Variants in RPL7L1 observed in about 807,000 individuals in gnomAD.
RPL7L1 encodes ribosomal protein L7 like 1.
Under a neutral mutation model 30.3 loss-of-function variants are expected in RPL7L1, and 20 were observed. The observed-to-expected ratio is 0.66, with a 90% CI of 0.46 to 0.96. The LOEUF is 0.96. Among genes scored for constraint, RPL7L1 ranks in the 40% least tolerant of loss-of-function variants. The probability of loss-of-function intolerance (pLI) is 0.00; values close to 1 mark genes in which losing one functional copy is unlikely to be tolerated. For missense variants in RPL7L1, 271 were observed against 314.9 expected (o/e 0.86, Z 1.05); for synonymous variants, 107 against 110.1 (o/e 0.97, Z 0.18).
At chr6:42,882,418 C>A (rs1223108588) in intron 2 of RPL7L1, 2 of 147,542 alleles carry the variant, frequency 1.4e-5, no homozygotes, top group Non-Finnish European at 3.0e-5. Flanking sequence ...ATGGTGAAAC[C>A]CCATCTCTAC....
At position 42,879,644 on chromosome 6, in the gene RPL7L1, T is replaced by C. The variant is rs1765994017; in HGVS notation, c.-267T>C. On this transcript the variant is annotated 5_prime_UTR_variant, in exon 1 of 6. Coordinates refer to ENST00000493763, the MANE Select transcript of RPL7L1 (RefSeq NM_001366481.3). ...GCTAGGAGCGGACGCCATAGGTGCATTGTGGGAAGCACTTTGCTGTCCACA... is the reference window on the plus strand; with the variant it reads ...GCTAGGAGCGGACGCCATAGGTGCACTGTGGGAAGCACTTTGCTGTCCACA... The C allele has an allele frequency of 2.7e-6, 1 of 373,174 alleles. No individual in the cohort carries two copies. Among genetic ancestry groups the C allele is most frequent in the South Asian group, 3.0e-5 (1 of 32,930 alleles). The allele number at this position is 373,174 out of a possible 1,614,324, so 23.1% of individuals were successfully genotyped here. A position where few individuals can be genotyped will look rare whatever the true frequency, so the allele number is the denominator to read the frequency against.
Position 42,889,703 on chromosome 6 carries a change from T to C in RPL7L1, c.*3239T>C, listed in dbSNP as rs1167649793. On this transcript the variant is annotated 3_prime_UTR_variant, in exon 6 of 6. Transcript: ENST00000493763. ...TCTGTCCATAAAATGGGAGCTAATATTCTCCAACCTGTGTGCCTGACATGA... is the reference window on the plus strand; with the variant it reads ...TCTGTCCATAAAATGGGAGCTAATACTCTCCAACCTGTGTGCCTGACATGA... 1 of 152,280 alleles carries C rather than the reference T, an allele frequency of 6.6e-6. No individual in the cohort carries two copies. The highest frequency in any genetic ancestry group is 1.5e-5 in the Non-Finnish European group (1 of 68,026). 9.4% of individuals were successfully genotyped at this position (152,280 alleles called of 1,614,324 possible).
chr6:42,883,875 C>A, intron 3 of RPL7L1: 1 of 225,230 alleles, frequency 4.4e-6, no homozygotes, highest in Non-Finnish European at 8.7e-6. Flanking sequence ...AACCTGAGAC[C>A]TGAAAGATGT....
Position 42,888,069 on chromosome 6 carries a change from C to A in RPL7L1, c.*1605C>A, listed in dbSNP as rs1299438188. Reference sequence around the variant, plus strand: ...AGCTCAGGATTTGAGAATGAGGACCCCTTCGCCAGGAAAACATGTATACAC... The same window carrying A: ...AGCTCAGGATTTGAGAATGAGGACCACTTCGCCAGGAAAACATGTATACAC... On this transcript the variant is annotated 3_prime_UTR_variant, in exon 6 of 6. Transcript: ENST00000493763. The A allele has an allele frequency of 2.0e-5, 3 of 151,562 alleles. No homozygotes were observed. Among genetic ancestry groups the A allele is most frequent in the Non-Finnish European group, 4.4e-5 (3 of 67,918 alleles). The allele number at this position is 151,562 out of a possible 1,614,324, so 9.4% of individuals were successfully genotyped here.
intron 2 of RPL7L1, 162 bp from the exon 3 acceptor site, chr6:42,883,289 G>A: frequency 2.0e-6 from 1 of 498,916 alleles, no homozygotes; most frequent in Non-Finnish European, 3.3e-6. Flanking sequence ...CTTTACTTTG[G>A]TTTCTCATTT....
chr6:42,884,803 AG>A, intron 4 of RPL7L1, 53 bp downstream of exon 4: 1 of 1,559,208 alleles, frequency 6.4e-7, no homozygotes, highest in Non-Finnish European at 8.8e-7. Flanking sequence ...TGAGTGTGTC[AG>A]GGTGCACCGG....
In RPL7L1 at chr6:42,879,830, C is replaced by A. The variant is rs1352924580; in HGVS notation, c.-81C>A. 1.4e-6 allele frequency: 2 copies of A among 1,470,474 alleles called. No homozygotes were observed. The highest frequency in any genetic ancestry group is 2.3e-5 in the East Asian group (1 of 44,050). 91.1% of individuals were successfully genotyped at this position (1,470,474 alleles called of 1,614,324 possible). On this transcript the variant is annotated 5_prime_UTR_variant, in exon 1 of 6. Transcript: ENST00000493763. ...GCGGCTAAGTGAACGCTGACTGGTC[C>A]TCCAGCGTGAGCTAGAACAGACGTC...
intron 3 of RPL7L1, 114 bp from the exon 4 acceptor site, chr6:42,884,499 A>G (rs1029782040): frequency 2.2e-6 from 2 of 927,652 alleles, no homozygotes; most frequent in East Asian, 2.4e-5. Flanking sequence ...TCTTTAAGGC[A>G]TAGTCTCTGT....
In RPL7L1 at chr6:42,880,835, T is replaced by C. The variant is rs768171263; in HGVS notation, c.42-26T>C. Reference sequence around the variant, plus strand: ...GCCAAGTGTTCTTTTCTAAATGTTATCTCTGATCTCAATTTTCTGCATCAG... The same window carrying C: ...GCCAAGTGTTCTTTTCTAAATGTTACCTCTGATCTCAATTTTCTGCATCAG... On this transcript the variant is annotated intron_variant, in intron 1 of 5. Coordinates refer to ENST00000493763, the MANE Select transcript of RPL7L1 (RefSeq NM_001366481.3). 4.5e-6 allele frequency: 6 copies of C among 1,326,124 alleles called. No individual in the cohort carries two copies. The South Asian group carries it at 7.1e-5, about 16-fold the overall frequency. 82.1% of individuals were successfully genotyped at this position (1,326,124 alleles called of 1,614,324 possible).
At chr6:42,880,214 G>A (rs2235833) in intron 1 of RPL7L1, among the ~76,000 whole-genome samples, 33,741 of 152,022 alleles carry the variant, frequency 0.22, 7,238 homozygotes, top group African/African-American at 0.56. Context: ...CCCGACAAGT[G>A]TTAACTCTGC....
intron 3 of RPL7L1, 63 bp from the exon 4 acceptor site, chr6:42,884,550 G>A (rs1766192286): frequency 2.6e-6 from 4 of 1,515,000 alleles, no homozygotes; most frequent in Admixed American, 1.7e-5. Context: ...CTCGCATGTT[G>A]TGCTTGCTGG....
At chr6:42,885,221 G>A (rs919482271) in intron 4 of RPL7L1, among the ~76,000 whole-genome samples, 5 of 151,350 alleles carry the variant, frequency 3.3e-5, no homozygotes, top group African/African-American at 9.7e-5. Context: ...ATGGTGATGT[G>A]TGCCTGTATT....
At chr6:42,881,280 A>G (rs1766068956) in intron 2 of RPL7L1, 1 of 169,226 alleles carries the variant, frequency 5.9e-6, no homozygotes, top group Non-Finnish European at 1.3e-5. Context: ...CCTGGCTAAC[A>G]CGGTGAAACC....
rs1279250992 is a variant in RPL7L1 at position 42,879,897 on chromosome 6, T to A, written c.-14T>A. 1 of 1,613,358 alleles carries A rather than the reference T, an allele frequency of 6.2e-7. No homozygotes were observed. The highest frequency in any genetic ancestry group is 8.5e-7 in the Non-Finnish European group (1 of 1,179,602). ...CAGAGCGTGTGCTGTCTTCCCCATG[T>A]GGTGGGGTTGCGCATGATCAGTAGC... On this transcript the variant is annotated 5_prime_UTR_variant, in exon 1 of 6. Coordinates refer to ENST00000493763, the MANE Select transcript of RPL7L1 (RefSeq NM_001366481.3).
Position 42,879,871 on chromosome 6 carries a change from A to T in RPL7L1, c.-40A>T. 6.2e-7 allele frequency: 1 copy of T among 1,610,492 alleles called. No individual in the cohort carries two copies. Among genetic ancestry groups the T allele is most frequent in the Non-Finnish European group, 8.5e-7 (1 of 1,177,656 alleles). ...AACAGACGTCTCTATGGTCAAGTAA[A>T]CAGAGCGTGTGCTGTCTTCCCCATG... On this transcript the variant is annotated 5_prime_UTR_variant, in exon 1 of 6. Transcript: ENST00000493763.
rs1015825877 is a variant in RPL7L1, at chr6:42,888,517, C to A, written c.*2053C>A. 7 of 152,200 alleles carry A rather than the reference C, an allele frequency of 4.6e-5. No homozygotes were observed. Among genetic ancestry groups the A allele is most frequent in the African/African-American group, 1.4e-4 (6 of 41,442 alleles). The allele number at this position is 152,200 out of a possible 1,614,324, so 9.4% of individuals were successfully genotyped here. The stretch of plus-strand genomic sequence containing the variant: ...CAGGATCGGTCACGCAGGCCCTGAT[C>A]TTGCTACTCTGGTTCCATGTCCTAT... On this transcript the variant is annotated 3_prime_UTR_variant, in exon 6 of 6. Transcript: ENST00000493763.
intron 3 of RPL7L1, 99 bp downstream of exon 3, chr6:42,883,713 A>C: frequency 2.1e-6 from 2 of 960,074 alleles, no homozygotes; most frequent in Non-Finnish European, 3.1e-6. Context: ...CAAGCCACTC[A>C]GGCAAATTGT....
chr6:42,879,979 G>A, intron 1 of RPL7L1, 28 bp downstream of exon 1: 1 of 1,612,046 alleles, frequency 6.2e-7, no homozygotes, highest in Non-Finnish European at 8.5e-7. Context: ...TGAATATCTG[G>A]AGTGGGGTCT....
intron 3 of RPL7L1, among the ~76,000 whole-genome samples, chr6:42,884,146 C>T (rs1206546022): frequency 6.6e-6 from 1 of 152,138 alleles, no homozygotes; most frequent in Non-Finnish European, 1.5e-5. Flanking sequence ...TGAGCTCTGT[C>T]CTTTGTAGCC....
Sources: allele counts gnomAD v4.1 joint callset (sites outside exome capture counted in the v4.1 genomes callset), GRCh38; gene constraint gnomAD v4.1.1; transcripts MANE v1.5; gene names NCBI Gene and HGNC (gene_info 2026-07-23, HGNC 2026-07-21).